Variants in GREB1L observed in about 807,000 individuals in gnomAD.
The protein encoded by GREB1L is GREB1 like retinoic acid receptor coactivator, also known as GREB1-like protein.
In GREB1L, 17 loss-of-function variants were observed where a neutral mutation model predicts 200.8. The ratio of observed to expected loss-of-function variants is 0.08; its 90% confidence interval spans 0.06 to 0.13. The LOEUF (loss-of-function observed/expected upper bound fraction) is 0.13. Among genes scored for constraint, GREB1L ranks in the 10% least tolerant of loss-of-function variants. The probability of loss-of-function intolerance (pLI) is 1.00; values close to 1 mark genes in which losing one functional copy is unlikely to be tolerated. For synonymous variants in GREB1L, 789 were observed against 893.0 expected, an observed-to-expected ratio of 0.88 and a Z score of 2.08; for missense variants, 1,657 against 2,367.7, an observed-to-expected ratio of 0.70 and a Z score of 6.23.
chr18:21,472,787 C>G (rs2035534051), intron 15 of GREB1L, among the ~76,000 whole-genome samples: 1 of 152,086 alleles, frequency 6.6e-6, no homozygotes, highest in South Asian at 2.1e-4. Context: ...ATCTCATGTA[C>G]CAGAATGTTC....
chr18:21,326,279 AAT>A (rs1162846144), intron 1 of GREB1L, among the ~76,000 whole-genome samples: 3 of 152,210 alleles, frequency 2.0e-5, no homozygotes, highest in Non-Finnish European at 4.4e-5. Context: ...TATAGAAAAA[AAT>A]GTTAAAAGGA....
At chr18:21,440,443 C>A (rs2033835241) in intron 9 of GREB1L, 55 bp downstream of exon 9, 1 of 1,458,412 alleles carries the variant, frequency 6.9e-7, no homozygotes, top group Admixed American at 2.0e-5. Flanking sequence ...GCAGAGATAT[C>A]TTCTACTTCC....
rs1361598617 is a variant in GREB1L, at chr18:21,437,744, T to G, written c.833-1777T>G. On this transcript the variant is annotated intron_variant, in intron 7 of 32. Coordinates refer to ENST00000424526, the MANE Select transcript of GREB1L (RefSeq NM_001142966.3). ...TGTAAGAAAGAAAAGGAAGGACATC[T>G]TATAGATTAAAAGAGGTTTCAGGGA... Among the ~76,000 whole-genome samples, 4 of 152,294 alleles carry G rather than the reference T, an allele frequency of 2.6e-5. No homozygotes were observed. The East Asian group carries it at 7.7e-4, about 29-fold the overall frequency.
intron 15 of GREB1L, among the ~76,000 whole-genome samples, chr18:21,463,153 T>C (rs2035121226): frequency 1.5e-5 from 2 of 133,534 alleles, no homozygotes; most frequent in Non-Finnish European, 3.2e-5. Context: ...TTTTTTTTTT[T>C]TTTTTTTTTT....
At position 21,439,562 on chromosome 18, in the gene GREB1L, G is replaced by A. The variant is rs2145232490; in HGVS notation, c.874G>A (p.Ala292Thr). ...CAGTAGCCATGGAGGGAAGGGCAGTGCATCCAGCTCCACTCCAGCCCACAC... is the reference window on the plus strand; with the variant it reads ...CAGTAGCCATGGAGGGAAGGGCAGTACATCCAGCTCCACTCCAGCCCACAC... ...GNSSHGGKGS[A>T]SSSTPAHTGN... The change falls in exon 8 of 33, where the codon GCA becomes ACA. Residue 292 changes from alanine to threonine, a missense_variant. This residue lies in a region of GREB1L where 289 missense variants were observed against 345.1 expected (regional missense o/e 0.84). Transcript: ENST00000424526. 2 of 1,551,648 alleles carry A rather than the reference G, an allele frequency of 1.3e-6. No individual in the cohort carries two copies. Among genetic ancestry groups the A allele is most frequent in the South Asian group, 1.2e-5 (1 of 84,044 alleles).
chr18:21,344,887 A>T (rs777370633), intron 1 of GREB1L, among the ~76,000 whole-genome samples: 1 of 152,190 alleles, frequency 6.6e-6, no homozygotes, highest in Non-Finnish European at 1.5e-5. Flanking sequence ...GCAGACTGAG[A>T]TCACTCTAAA....
At chr18:21,392,648 T>G (rs2040872064) in intron 4 of GREB1L, among the ~76,000 whole-genome samples, 1 of 152,176 alleles carries the variant, frequency 6.6e-6, no homozygotes, top group African/African-American at 2.4e-5. Context: ...TTTTATTCTT[T>G]CTTCTGTTGA....
intron 4 of GREB1L, among the ~76,000 whole-genome samples, chr18:21,388,179 A>T (rs1567970036): frequency 6.6e-6 from 1 of 152,082 alleles, no homozygotes; most frequent in Non-Finnish European, 1.5e-5. Flanking sequence ...TTTCTTTCCT[A>T]TTCTCTTCTT....
In GREB1L at chr18:21,522,883, G is replaced by A. The variant is rs1378338956; in HGVS notation, c.*62G>A. 3 of 1,417,780 alleles carry A rather than the reference G, an allele frequency of 2.1e-6. No homozygotes were observed. In the African/African-American group the frequency reaches 4.4e-5, roughly 21 times the overall value. The allele number at this position is 1,417,780 out of a possible 1,614,324, so 87.8% of individuals were successfully genotyped here. ...GGTGGGATGGGACAGAAACAATTTG[G>A]GATTTTTCTTTTTCCTTTAAAGTAC... is the stretch of plus-strand genomic sequence containing the variant. On this transcript the variant is annotated 3_prime_UTR_variant, in exon 33 of 33. Transcript: ENST00000424526.
intron 4 of GREB1L, among the ~76,000 whole-genome samples, chr18:21,391,672 C>T (rs1466001991): frequency 6.6e-6 from 1 of 152,160 alleles, no homozygotes; most frequent in Non-Finnish European, 1.5e-5. Context: ...GTTCCTCAAT[C>T]GTTGACTCAC....
At chr18:21,442,162 G>C (rs2033936024) in intron 10 of GREB1L, among the ~76,000 whole-genome samples, 1 of 152,152 alleles carries the variant, frequency 6.6e-6, no homozygotes, top group East Asian at 1.9e-4. Flanking sequence ...AGACATTTAG[G>C]GGTCCCTACA....
intron 2 of GREB1L, among the ~76,000 whole-genome samples, chr18:21,379,205 A>G (rs1489488453): frequency 6.6e-6 from 1 of 152,146 alleles, no homozygotes; most frequent in Non-Finnish European, 1.5e-5. Flanking sequence ...GTAGCTTTTC[A>G]AGATTTTCTT....
chr18:21,446,790 G>A (rs184012131), intron 11 of GREB1L, among the ~76,000 whole-genome samples: 33 of 152,188 alleles, frequency 2.2e-4, no homozygotes, highest in Middle Eastern at 3.4e-3. Flanking sequence ...ATACTTCAGC[G>A]GCTCAGTTAC....
At chr18:21,283,094 G>C (rs1163662967) in intron 1 of GREB1L, among the ~76,000 whole-genome samples, 1 of 152,038 alleles carries the variant, frequency 6.6e-6, no homozygotes, top group African/African-American at 2.4e-5. Flanking sequence ...TTCCTAGAAA[G>C]TCTCCACTTC....
chr18:21,474,538 C>A (rs2035610367), intron 16 of GREB1L, among the ~76,000 whole-genome samples: 1 of 152,146 alleles, frequency 6.6e-6, no homozygotes, highest in Non-Finnish European at 1.5e-5. Context: ...CAGTTGTTGA[C>A]TTCTGTGTAC....
At chr18:21,381,395 G>A (rs375044090) in intron 2 of GREB1L, among the ~76,000 whole-genome samples, 1 of 150,190 alleles carries the variant, frequency 6.7e-6, no homozygotes, top group South Asian at 2.1e-4. Flanking sequence ...GCGACAGAGT[G>A]AGACTGCATC....
chr18:21,520,311 T>C (rs190773483), intron 31 of GREB1L, among the ~76,000 whole-genome samples: 5 of 152,206 alleles, frequency 3.3e-5, no homozygotes, highest in Admixed American at 2.0e-4. Flanking sequence ...ATCAAAAATA[T>C]TTTTTATTCT....
At chr18:21,489,965 C>T (rs1362955557) in intron 18 of GREB1L, 47 bp from the exon 19 acceptor site, 1 of 1,412,442 alleles carries the variant, frequency 7.1e-7, no homozygotes, top group Non-Finnish European at 9.7e-7. Flanking sequence ...TTGCTGCTCC[C>T]AGCTGGCCCT....
intron 2 of GREB1L, among the ~76,000 whole-genome samples, chr18:21,371,783 CAAA>C (rs373133981): frequency 5.1e-5 from 4 of 77,718 alleles, no homozygotes; most frequent in African/African-American, 4.1e-5. Flanking sequence ...GACTTCATCT[CAAA>C]AAAAAAAAAA....
Sources: allele counts gnomAD v4.1 joint callset (sites outside exome capture counted in the v4.1 genomes callset), GRCh38; gene constraint gnomAD v4.1.1; regional missense constraint gnomAD v4.1.1; transcripts MANE v1.5; gene names NCBI Gene and HGNC (gene_info 2026-07-23, HGNC 2026-07-21).